DLG4: variants seen among roughly 807,000 people sequenced by gnomAD.
DLG4 encodes the protein disks large homolog 4.
DLG4 carries 7 observed loss-of-function variants against 93.8 expected under a neutral mutation model. The ratio of observed to expected loss-of-function variants is 0.07; its 90% CI spans 0.04 to 0.14. DLG4 has a LOEUF of 0.14. DLG4 is among the 10% of genes least tolerant of loss of function. The pLI is 1.00. For missense variants in DLG4, 545 were observed against 992.9 expected (o/e 0.55, Z 6.06); for synonymous variants, 341 against 387.6 (o/e 0.88, Z 1.41).
chr17:7,194,950 CG>C lies in DLG4; in HGVS notation c.1302-456del, dbSNP rs992166857. Among the ~76,000 whole-genome samples the C allele has an allele frequency of 9.3e-5, 14 of 150,162 alleles. No homozygotes were observed. The highest frequency in any genetic ancestry group is 1.9e-4 in the Non-Finnish European group (13 of 67,790). On this transcript the variant is annotated intron_variant, in intron 11 of 19. Transcript: ENST00000399506. The surrounding 1 kb of genome is among the most constrained non-coding windows in gnomAD (Gnocchi z 4.4). ...AGGAAAATGGCATGAACCCAGGAGG[CG>C]GAGCTTGCAGTGAGCAGAGATCACG...
intron 1 of DLG4, chr17:7,211,758 T>A (rs1597491688): frequency 6.2e-5 from 3 of 48,736 alleles, no homozygotes; most frequent in Non-Finnish European, 1.1e-4. Context: ...GTCCCGGGGG[T>A]TGGGGGAGGG....
chr17:7,197,745 A>AC (rs1292465488), intron 8 of DLG4, among the ~76,000 whole-genome samples: 1 of 152,156 alleles, frequency 6.6e-6, no homozygotes, highest in Non-Finnish European at 1.5e-5. Context: ...TATGCCTCCC[A>AC]AAGTGCTGGG....
At chr17:7,211,672 T>G (rs749379228) in intron 1 of DLG4, 9 of 971,066 alleles carry the variant, frequency 9.3e-6, no homozygotes, top group Admixed American at 7.0e-5. Flanking sequence ...CAGAGACACA[T>G]GGAGGCGAAT....
Position 7,208,363 on chromosome 17 carries a change from T to G in DLG4, c.31-124A>C. 1 of 805,860 alleles carries G rather than the reference T, an allele frequency of 1.2e-6. No individual in the cohort carries two copies. The highest frequency in any genetic ancestry group is 1.7e-6 in the Non-Finnish European group (1 of 578,682). The allele number at this position is 805,860 out of a possible 1,614,324, so 49.9% of individuals were successfully genotyped here. ...CGGAAGGCCCTGGGGCCTGACCAGC[T>G]CCTCCCCCTCCCTCTCCTCTAGCCC... On this transcript the variant is annotated intron_variant, in intron 1 of 19. Coordinates refer to ENST00000399506, the MANE Select transcript of DLG4 (RefSeq NM_001321075.3). The surrounding 1 kb of genome is among the most constrained non-coding windows in gnomAD (Gnocchi z 5.4).
chr17:7,210,645 G>A (rs537028356), intron 1 of DLG4, among the ~76,000 whole-genome samples: 1 of 152,290 alleles, frequency 6.6e-6, no homozygotes, highest in Admixed American at 6.5e-5. Flanking sequence ...GGGGGAAGGG[G>A]TGGAAGCCGC....
At chr17:7,192,102 A>G in intron 17 of DLG4, 100 bp from the exon 18 acceptor site, 1 of 609,326 alleles carries the variant, frequency 1.6e-6, no homozygotes. Context: ...GGGGAATGGG[A>G]AGTTGGCCGA....
chr17:7,206,393 TC>T (rs2070465426), intron 2 of DLG4, among the ~76,000 whole-genome samples: 1 of 152,096 alleles, frequency 6.6e-6, no homozygotes, highest in Non-Finnish European at 1.5e-5. Flanking sequence ...CTTCTCCTGT[TC>T]CCCAGGTGAG....
Position 7,191,408 on chromosome 17 carries a change from G to A in DLG4, c.1977-50C>T, listed in dbSNP as rs779816179. The A allele has an allele frequency of 1.4e-6, 2 of 1,384,484 alleles. No homozygotes were observed. Among genetic ancestry groups the A allele is most frequent in the African/African-American group, 1.4e-5 (1 of 70,326 alleles). The allele number at this position is 1,384,484 out of a possible 1,614,324, so 85.8% of individuals were successfully genotyped here. ...CCTGAGACTGGACCCACCTGACCCT[G>A]CCTTTTATCTCCTCTATCCAGGAAT... On this transcript the variant is annotated intron_variant, in intron 18 of 19. Coordinates refer to ENST00000399506, the MANE Select transcript of DLG4 (RefSeq NM_001321075.3). The surrounding 1 kb of genome is among the most constrained non-coding windows in gnomAD (Gnocchi z 6.6).
chr17:7,201,894 A>T (rs1167248206), intron 8 of DLG4, among the ~76,000 whole-genome samples: 1 of 152,206 alleles, frequency 6.6e-6, no homozygotes, highest in African/African-American at 2.4e-5. Flanking sequence ...GAAAAAAATT[A>T]AAATTAAATT....
At chr17:7,200,403 A>AC (rs1488756022) in intron 8 of DLG4, among the ~76,000 whole-genome samples, 1 of 152,164 alleles carries the variant, frequency 6.6e-6, no homozygotes, top group Non-Finnish European at 1.5e-5. Context: ...TACAAATCTT[A>AC]CATTTCTTGT....
At position 7,217,549 on chromosome 17, in the gene DLG4, G is replaced by A. The variant is rs1473325327; in HGVS notation, c.-402C>T. The A allele has an allele frequency of 1.9e-5, 16 of 842,392 alleles. No individual in the cohort carries two copies. Among genetic ancestry groups the A allele is most frequent in the Middle Eastern group, 6.0e-4 (1 of 1,670 alleles). 52.2% of individuals were successfully genotyped at this position (842,392 alleles called of 1,614,324 possible). On this transcript the variant is annotated 5_prime_UTR_variant, in exon 1 of 20. Coordinates refer to ENST00000399506, the MANE Select transcript of DLG4 (RefSeq NM_001321075.3). ...ACGGCCAGGGGCTAGGGGCCGTGGC[G>A]GGGGAGTGGGGTGGGGGGGTTGGAA...
rs1282063537 is a variant in DLG4, at chr17:7,193,597, C to A, written c.1592-13G>T. 6.6e-6 allele frequency: 10 copies of A among 1,524,352 alleles called. No homozygotes were observed. Among genetic ancestry groups the A allele is most frequent in the South Asian group, 1.3e-5 (1 of 75,544 alleles). The allele number at this position is 1,524,352 out of a possible 1,614,324, so 94.4% of individuals were successfully genotyped here. A position where few individuals can be genotyped will look rare whatever the true frequency, so the allele number is the denominator to read the frequency against. On this transcript the variant is annotated splice_polypyrimidine_tract_variant and intron_variant, in intron 15 of 19. Transcript: ENST00000399506. The surrounding 1 kb of genome is among the most constrained non-coding windows in gnomAD (Gnocchi z 6.7). ...CGAGCATAGTGCACTGCAGAGAGAG[C>A]CTGGCTTAGGCCGAGCGCAGGGTTG... is the stretch of plus-strand genomic sequence containing the variant.
intron 2 of DLG4, among the ~76,000 whole-genome samples, chr17:7,206,063 C>G (rs2070451392): frequency 6.6e-6 from 1 of 151,930 alleles, no homozygotes. Context: ...AGCCCCATCC[C>G]TTACCAATGT....
At chr17:7,217,857 T>C (rs2142946945), upstream of DLG4, 1 of 1,524,176 alleles carries the variant, frequency 6.6e-7, no homozygotes, top group East Asian at 2.5e-5. Context: ...CATCTATAGT[T>C]GGGCTGGGAG....
chr17:7,192,862 G>A, intron 17 of DLG4, 83 bp downstream of exon 17: 1 of 1,419,822 alleles, frequency 7.0e-7, no homozygotes. Flanking sequence ...GACAGAGAGA[G>A]AGAGAGTTAG....
At position 7,203,405 on chromosome 17, in the gene DLG4, G is replaced by C; in HGVS notation, c.505+19C>G. On this transcript the variant is annotated intron_variant, in intron 6 of 19. Transcript: ENST00000399506. This position sits in a 1 kb window ranked among gnomAD's most constrained non-coding sequence, Gnocchi z 7.2. Reference sequence around the variant, plus strand: ...CACAGGACAGTTGGGATGGGGGTGGGAACAAAATGAGTTACTACCTTTAGG... The same window carrying C: ...CACAGGACAGTTGGGATGGGGGTGGCAACAAAATGAGTTACTACCTTTAGG... 2.5e-6 allele frequency: 4 copies of C among 1,596,870 alleles called. No homozygotes were observed. Among genetic ancestry groups the C allele is most frequent in the Non-Finnish European group, 3.4e-6 (4 of 1,166,030 alleles).
chr17:7,217,715 G>A (rs2070997044), upstream of DLG4: 2 of 1,534,918 alleles, frequency 1.3e-6, no homozygotes, highest in Non-Finnish European at 1.7e-6. Flanking sequence ...TGTGCTGGCA[G>A]GAACCCGGAT....
At chr17:7,219,796 T>C (rs1234056234), upstream of DLG4, 4 of 1,521,900 alleles carry the variant, frequency 2.6e-6, no homozygotes, top group Non-Finnish European at 3.5e-6. Context: ...TGGAGATCCC[T>C]CTAAGTCAGC....
intron 17 of DLG4, 37 bp from the exon 18 acceptor site, chr17:7,192,039 G>A: frequency 8.0e-7 from 1 of 1,250,036 alleles, no homozygotes; most frequent in South Asian, 1.8e-5. Flanking sequence ...GGGGCCAGCG[G>A]GTGGCGAGAA....
Sources: gnomAD v4.1 joint callset for allele counts (sites outside exome capture counted in the v4.1 genomes callset) on GRCh38, gnomAD v4.1.1 for gene constraint, Gnocchi (gnomAD v3.1) non-coding constraint, MANE v1.5 for transcripts, NCBI Gene and HGNC (gene_info 2026-07-23, HGNC 2026-07-21) for gene names.